TENM4: variants seen among roughly 807,000 people sequenced by gnomAD.
TENM4 encodes the protein teneurin-4.
Under a neutral mutation model 243.3 loss-of-function variants are expected in TENM4, and 82 were observed. That is an observed-to-expected ratio of 0.34 (90% CI 0.28 to 0.40). The LOEUF (loss-of-function observed/expected upper bound fraction) is 0.40, where lower values mean the gene tolerates loss of function less well. Among genes scored for constraint, TENM4 ranks in the 10% least tolerant of loss-of-function variants. The pLI is 1.00. For synonymous variants in TENM4, 1,412 were observed against 1,456.3 expected (o/e 0.97, Z 0.69); for missense variants, 3,138 against 3,673.3 (o/e 0.85, Z 3.77).
At chr11:79,208,201 G>A (rs1464655316) in intron 3 of TENM4, among the ~76,000 whole-genome samples, 1 of 152,154 alleles carries the variant, frequency 6.6e-6, no homozygotes, top group Non-Finnish European at 1.5e-5. Context: ...CCATTCCAGT[G>A]GGGCAGACAG....
chr11:78,715,349 T>G (rs778577297), intron 25 of TENM4, among the ~76,000 whole-genome samples: 1 of 152,150 alleles, frequency 6.6e-6, no homozygotes, highest in Non-Finnish European at 1.5e-5. Context: ...TCTTTGCACA[T>G]CACTCATGAT....
intron 4 of TENM4, among the ~76,000 whole-genome samples, chr11:79,094,582 G>A (rs1861033991): frequency 6.6e-6 from 1 of 152,206 alleles, no homozygotes; most frequent in African/African-American, 2.4e-5. Flanking sequence ...GGCATTGGGG[G>A]GTGGGGGATA....
intron 2 of TENM4, among the ~76,000 whole-genome samples, chr11:79,244,888 A>C (rs548294483): frequency 2.6e-5 from 4 of 152,238 alleles, no homozygotes; most frequent in African/African-American, 9.6e-5. Flanking sequence ...ACAGAGCCCA[A>C]AGAGGCTGTG....
chr11:79,026,264 A>T (rs190247008), intron 6 of TENM4, among the ~76,000 whole-genome samples: 153 of 152,342 alleles, frequency 1.0e-3, no homozygotes, highest in Admixed American at 2.9e-3. Context: ...AACAGTGATT[A>T]CAGTAAAACC....
intron 9 of TENM4, among the ~76,000 whole-genome samples, chr11:78,876,364 T>C (rs373410572): frequency 1.7e-4 from 26 of 152,234 alleles, no homozygotes; most frequent in South Asian, 1.2e-3. Flanking sequence ...AAAGTACAGA[T>C]TGAGGCCCAT....
chr11:79,157,397 G>T lies in TENM4; in HGVS notation c.-162-8591C>A, dbSNP rs550993617. On this transcript the variant is annotated intron_variant, in intron 3 of 33. Transcript: ENST00000278550. ...CTCTGACTTCTTTTCCTTCTCTTCT[G>T]TTGCTTTCTCTCTTTCTTTCATACC... Among the ~76,000 whole-genome samples, 124 of 152,186 alleles carry T rather than the reference G, an allele frequency of 8.1e-4. 1 individual carries two copies. Among genetic ancestry groups the T allele is most frequent in the African/African-American group, 2.8e-3 (115 of 41,510 alleles).
At chr11:78,830,261 G>C (rs1018460774) in intron 12 of TENM4, among the ~76,000 whole-genome samples, 1 of 152,128 alleles carries the variant, frequency 6.6e-6, no homozygotes, top group African/African-American at 2.4e-5. Context: ...CTCCACTACT[G>C]CTCACCCTGG....
chr11:78,662,353 G>C (rs1261965790), intron 32 of TENM4, among the ~76,000 whole-genome samples: 3 of 151,976 alleles, frequency 2.0e-5, no homozygotes, highest in African/African-American at 7.3e-5. Flanking sequence ...ACCAGGCCCA[G>C]CTAATTTTTG....
intron 6 of TENM4, 117 bp downstream of exon 6, chr11:79,064,621 A>G: frequency 7.3e-7 from 1 of 1,375,730 alleles, no homozygotes; most frequent in South Asian, 1.4e-5. Context: ...CCTGAGAGTA[A>G]AGCAATTTTT....
At chr11:79,052,329 A>G (rs1859817816) in intron 6 of TENM4, among the ~76,000 whole-genome samples, 1 of 152,158 alleles carries the variant, frequency 6.6e-6, no homozygotes, top group Non-Finnish European at 1.5e-5. Context: ...CTGGTGAGAG[A>G]TGATATCTCA....
At chr11:79,067,402 C>T (rs1860291547) in intron 5 of TENM4, among the ~76,000 whole-genome samples, 1 of 152,198 alleles carries the variant, frequency 6.6e-6, no homozygotes, top group Admixed American at 6.5e-5. Flanking sequence ...GCCCCCTGTC[C>T]CCATCCACAG....
intron 6 of TENM4, among the ~76,000 whole-genome samples, chr11:79,050,346 G>T (rs768079254): frequency 1.1e-4 from 16 of 152,242 alleles, no homozygotes; most frequent in Admixed American, 2.6e-4. Flanking sequence ...GATGCAGGTA[G>T]AGAGAAGGGC....
At chr11:78,979,395 C>T (rs576237750) in intron 6 of TENM4, among the ~76,000 whole-genome samples, 6 of 152,326 alleles carry the variant, frequency 3.9e-5, no homozygotes, top group Admixed American at 1.3e-4. Flanking sequence ...GAGGCAAACA[C>T]AAAGATCAAG....
intron 1 of TENM4, among the ~76,000 whole-genome samples, chr11:79,378,796 C>T (rs1268414284): frequency 3.3e-5 from 5 of 151,260 alleles, no homozygotes; most frequent in Admixed American, 3.3e-4. Context: ...GGTGGAAGGA[C>T]CGTTTCAGCC....
chr11:78,858,868 T>C lies in TENM4; in HGVS notation c.1256-2690A>G, dbSNP rs1306371906. ...ATAAAGGTAGAGGTATTAGTATTACTAGTCATATTGGCTTCCACTTGATGA... is the reference window on the plus strand; with the variant it reads ...ATAAAGGTAGAGGTATTAGTATTACCAGTCATATTGGCTTCCACTTGATGA... On this transcript the variant is annotated intron_variant, in intron 10 of 33. Transcript: ENST00000278550. Among the ~76,000 whole-genome samples the C allele has an allele frequency of 2.6e-5, 4 of 152,202 alleles. No homozygotes were observed. In the East Asian group the frequency reaches 5.8e-4, roughly 22 times the overall value.
chr11:78,781,397 T>C (rs1467503094), intron 16 of TENM4, among the ~76,000 whole-genome samples: 3 of 152,200 alleles, frequency 2.0e-5, no homozygotes, highest in Admixed American at 6.5e-5. Context: ...ACTCCTACTA[T>C]GTTCCTATCT....
At chr11:79,208,873 G>A (rs969597644) in intron 3 of TENM4, among the ~76,000 whole-genome samples, 9 of 152,268 alleles carry the variant, frequency 5.9e-5, no homozygotes, top group African/African-American at 2.2e-4. Flanking sequence ...TTCTACCAGG[G>A]GAATTTTCAC....
rs183739629 is a variant in TENM4 at position 79,179,738 on chromosome 11, T to A, written c.-162-30932A>T. On this transcript the variant is annotated intron_variant, in intron 3 of 33. Coordinates refer to ENST00000278550, the MANE Select transcript of TENM4 (RefSeq NM_001098816.3). ...AAAAGTTTGAAGACCAAGCGAGTGA[T>A]TCAATAAAGAGTTTGACATATAGAA... 3.5e-3 allele frequency among the ~76,000 whole-genome samples: 539 copies of A among 151,922 alleles called. 19 individuals carry two copies. The South Asian group carries it at 0.04, about 11-fold the overall frequency.
At chr11:78,831,398 T>C (rs1857975477) in intron 12 of TENM4, among the ~76,000 whole-genome samples, 1 of 152,196 alleles carries the variant, frequency 6.6e-6, no homozygotes, top group South Asian at 2.1e-4. Context: ...AGTTGTGATA[T>C]GATGAAGGCA....
Sources: gnomAD v4.1 joint callset for allele counts (sites outside exome capture counted in the v4.1 genomes callset) on GRCh38, gnomAD v4.1.1 for gene constraint, MANE v1.5 for transcripts, NCBI Gene and HGNC (gene_info 2026-07-23, HGNC 2026-07-21) for gene names.